Variants in ZSWIM6 observed in about 807,000 individuals in gnomAD.
ZSWIM6 encodes the protein zinc finger SWIM-type containing 6, also known as zinc finger SWIM domain-containing protein 6.
A neutral mutation model predicts 113.2 loss-of-function variants in ZSWIM6; 9 were observed. The observed-to-expected ratio is 0.08, with a 90% CI of 0.05 to 0.14. The LOEUF (loss-of-function observed/expected upper bound fraction) is 0.14. ZSWIM6 is among the 10% of genes least tolerant of loss of function. The probability of loss-of-function intolerance (pLI) is 1.00; values close to 1 mark genes in which losing one functional copy is unlikely to be tolerated. For missense variants in ZSWIM6, 1,162 were observed against 1,552.2 expected (o/e 0.75, Z 4.22); for synonymous variants, 611 against 606.5 (o/e 1.01, Z -0.11).
At chr5:61,481,705 G>A (rs1283106780) in intron 2 of ZSWIM6, among the ~76,000 whole-genome samples, 1 of 152,006 alleles carries the variant, frequency 6.6e-6, no homozygotes, top group Non-Finnish European at 1.5e-5. Flanking sequence ...GACTTAGATA[G>A]TGGTCCTTCA....
intron 10 of ZSWIM6, among the ~76,000 whole-genome samples, chr5:61,537,978 G>T (rs1749625387): frequency 6.6e-6 from 1 of 152,068 alleles, no homozygotes; most frequent in Admixed American, 6.6e-5. Context: ...TTGCTCTGTT[G>T]CCCTGGCTGG....
At chr5:61,426,008 A>G (rs1746456413) in intron 1 of ZSWIM6, among the ~76,000 whole-genome samples, 1 of 152,188 alleles carries the variant, frequency 6.6e-6, no homozygotes, top group African/African-American at 2.4e-5. Flanking sequence ...TTTTATTATT[A>G]TACAATAACA....
chr5:61,352,909 T>G (rs544309750), intron 1 of ZSWIM6, among the ~76,000 whole-genome samples: 1 of 152,332 alleles, frequency 6.6e-6, no homozygotes, highest in Non-Finnish European at 1.5e-5. Flanking sequence ...TTTCCTGTCT[T>G]GTCAGTTCTC....
chr5:61,468,718 G>A (rs1747492729), intron 1 of ZSWIM6, among the ~76,000 whole-genome samples: 1 of 152,204 alleles, frequency 6.6e-6, no homozygotes, highest in African/African-American at 2.4e-5. Flanking sequence ...GGGAGGAACA[G>A]TGTCCTTGTT....
At chr5:61,518,552 T>C (rs1749024782) in intron 4 of ZSWIM6, among the ~76,000 whole-genome samples, 1 of 152,074 alleles carries the variant, frequency 6.6e-6, no homozygotes, top group Admixed American at 6.6e-5. Flanking sequence ...ATGGTGAGCA[T>C]TTTTTCATGT....
intron 4 of ZSWIM6, among the ~76,000 whole-genome samples, chr5:61,505,411 G>T (rs145080576): frequency 1.3e-5 from 2 of 151,944 alleles, no homozygotes; most frequent in Non-Finnish European, 2.9e-5. Flanking sequence ...AGAGGAGGTG[G>T]CTCTGGTGAC....
At chr5:61,463,542 C>G (rs958459774) in intron 1 of ZSWIM6, among the ~76,000 whole-genome samples, 1 of 152,130 alleles carries the variant, frequency 6.6e-6, no homozygotes, top group Admixed American at 6.5e-5. Context: ...TATGCACATT[C>G]CAGTGTGAGA....
At chr5:61,490,343 A>G (rs1201968738) in intron 2 of ZSWIM6, among the ~76,000 whole-genome samples, 1 of 152,114 alleles carries the variant, frequency 6.6e-6, no homozygotes, top group Non-Finnish European at 1.5e-5. Flanking sequence ...ATACAGCAGC[A>G]GATAATGGTG....
chr5:61,391,793 C>T (rs1054806617), intron 1 of ZSWIM6: 33 of 904,938 alleles, frequency 3.6e-5, no homozygotes, highest in Non-Finnish European at 5.3e-5. Flanking sequence ...TTCACCTTCC[C>T]ATGATGCTTC....
chr5:61,377,080 T>C (rs1022553315), intron 1 of ZSWIM6, among the ~76,000 whole-genome samples: 1 of 152,066 alleles, frequency 6.6e-6, no homozygotes, highest in Admixed American at 6.5e-5. Context: ...AACTGTGTGA[T>C]GAAGGCACAT....
chr5:61,409,931 T>A (rs548613829), intron 1 of ZSWIM6, among the ~76,000 whole-genome samples: 3 of 152,302 alleles, frequency 2.0e-5, no homozygotes, highest in Admixed American at 2.0e-4. Flanking sequence ...TTTAATTGAT[T>A]TGAGTAACTC....
At chr5:61,424,385 T>C (rs1178341439) in intron 1 of ZSWIM6, among the ~76,000 whole-genome samples, 1 of 152,106 alleles carries the variant, frequency 6.6e-6, no homozygotes, top group Non-Finnish European at 1.5e-5. Context: ...AGGGCAAACA[T>C]AAAGGAGAAA....
intron 1 of ZSWIM6, among the ~76,000 whole-genome samples, chr5:61,366,444 A>G (rs1473279778): frequency 1.3e-5 from 2 of 152,190 alleles, no homozygotes; most frequent in Non-Finnish European, 2.9e-5. Flanking sequence ...TGAATAAGCA[A>G]CTCAAACTCT....
At chr5:61,382,690 A>G (rs1745509368) in intron 1 of ZSWIM6, among the ~76,000 whole-genome samples, 1 of 152,152 alleles carries the variant, frequency 6.6e-6, no homozygotes, top group Non-Finnish European at 1.5e-5. Context: ...TGGTAGTCCC[A>G]GCTACTCGGA....
chr5:61,509,309 CTTTTAA>C (rs1748712854), intron 4 of ZSWIM6, among the ~76,000 whole-genome samples: 1 of 151,966 alleles, frequency 6.6e-6, no homozygotes, highest in African/African-American at 2.4e-5. Flanking sequence ...GTTCTGATAA[CTTTTAA>C]TTTTAAGTTT....
At chr5:61,404,153 G>A (rs1039070453) in intron 1 of ZSWIM6, among the ~76,000 whole-genome samples, 1 of 151,960 alleles carries the variant, frequency 6.6e-6, no homozygotes, top group Non-Finnish European at 1.5e-5. Flanking sequence ...GACTACAGGC[G>A]CCTGCCACCA....
intron 1 of ZSWIM6, among the ~76,000 whole-genome samples, chr5:61,415,669 T>G (rs1746233643): frequency 6.6e-6 from 1 of 151,814 alleles, no homozygotes; most frequent in Admixed American, 6.6e-5. Flanking sequence ...TGGGGACTGA[T>G]TGGCCATATA....
rs1272205055 is a variant in ZSWIM6, at chr5:61,525,820, C to T, written c.1534C>T (p.Arg512Trp). The change falls in exon 6 of 14, where the codon CGG becomes TGG. Residue 512 changes from arginine to tryptophan, a missense_variant. This residue lies in a region of ZSWIM6 where 620 missense variants were observed against 804.6 expected (regional missense o/e 0.77). Coordinates refer to ENST00000252744, the MANE Select transcript of ZSWIM6 (RefSeq NM_020928.2). Reference sequence around the variant, plus strand: ...AACAGATTCATCGAACAGGCCACATCGGACAGTGTTCACCCGAGCCATCGA... The same window carrying T: ...AACAGATTCATCGAACAGGCCACATTGGACAGTGTTCACCCGAGCCATCGA... ...ANQDSSNRPH[R>W]TVFTRAIEAC... 8.4e-6 allele frequency: 13 copies of T among 1,551,618 alleles called. No homozygotes were observed. Among genetic ancestry groups the T allele is most frequent in the Admixed American group, 2.0e-5 (1 of 50,990 alleles).
At chr5:61,401,085 T>C (rs1223385654) in intron 1 of ZSWIM6, among the ~76,000 whole-genome samples, 2 of 152,192 alleles carry the variant, frequency 1.3e-5, no homozygotes, top group South Asian at 2.1e-4. Context: ...TTAGCTATTT[T>C]CCCCCCGACA....
Sources: gnomAD v4.1 joint callset for allele counts (sites outside exome capture counted in the v4.1 genomes callset) on GRCh38, gnomAD v4.1.1 for gene constraint, gnomAD v4.1.1 regional missense constraint, MANE v1.5 for transcripts, NCBI Gene and HGNC (gene_info 2026-07-23, HGNC 2026-07-21) for gene names.